Variants in RIC1 observed in about 807,000 individuals in gnomAD.
RIC1 encodes RIC1 partner of RAB6A GEF complex, also known as guanine nucleotide exchange factor subunit RIC1.
Under a neutral mutation model 169.0 loss-of-function variants are expected in RIC1, and 88 were observed. The ratio of observed to expected loss-of-function variants is 0.52; its 90% CI spans 0.44 to 0.62. RIC1 has a LOEUF of 0.62. Ranked by LOEUF, RIC1 falls within the 20% of genes least tolerant of loss-of-function variation. The pLI is 0.00. For synonymous variants in RIC1, 790 were observed against 601.5 expected, an observed-to-expected ratio of 1.31 and a Z score of -4.59; for missense variants, 1,877 against 1,725.5, an observed-to-expected ratio of 1.09 and a Z score of -1.56.
chr9:5,706,325 G>A (rs1013973050), intron 3 of RIC1, among the ~76,000 whole-genome samples: 1 of 152,152 alleles, frequency 6.6e-6, no homozygotes, highest in Non-Finnish European at 1.5e-5. Flanking sequence ...GGTGGCACAT[G>A]CCTGTAATCC....
intron 2 of RIC1, among the ~76,000 whole-genome samples, chr9:5,667,106 C>T (rs1445675903): frequency 1.3e-5 from 2 of 152,058 alleles, no homozygotes; most frequent in Non-Finnish European, 2.9e-5. Context: ...GGGAGGATTG[C>T]TTGAGGCAGG....
At chr9:5,731,188 G>A (rs891386106) in intron 6 of RIC1, among the ~76,000 whole-genome samples, 2 of 152,010 alleles carry the variant, frequency 1.3e-5, no homozygotes, top group Non-Finnish European at 2.9e-5. Flanking sequence ...CATACAAGTA[G>A]AGATTTTGGT....
In RIC1 at chr9:5,707,357, T is replaced by G. The variant is rs578105413; in HGVS notation, c.333-6539T>G. ...TTGAGAATAATATGTATTCTGCTGT[T>G]GGGTGGCATATTCAGTATGTGTCTT... is the stretch of plus-strand genomic sequence containing the variant. On this transcript the variant is annotated intron_variant, in intron 3 of 25. Transcript: ENST00000414202. Among the ~76,000 whole-genome samples the G allele has an allele frequency of 3.9e-5, 6 of 152,282 alleles. No homozygotes were observed. The East Asian group carries it at 9.6e-4, about 24-fold the overall frequency.
chr9:5,650,642 G>T (rs1177741696), intron 1 of RIC1, among the ~76,000 whole-genome samples: 2 of 152,070 alleles, frequency 1.3e-5, no homozygotes, highest in African/African-American at 4.8e-5. Flanking sequence ...CTCAGGACAT[G>T]TTCAAGTGTG....
intron 2 of RIC1, among the ~76,000 whole-genome samples, chr9:5,672,393 G>C (rs1358808397): frequency 6.6e-6 from 1 of 152,178 alleles, no homozygotes; most frequent in Non-Finnish European, 1.5e-5. Flanking sequence ...TTCAGAAAAT[G>C]TAATTAGAAC....
At chr9:5,641,049 G>T (rs1270843407) in intron 1 of RIC1, among the ~76,000 whole-genome samples, 1 of 150,164 alleles carries the variant, frequency 6.7e-6, no homozygotes, top group Non-Finnish European at 1.5e-5. Context: ...CCTTGATAAA[G>T]AAACTATCCT....
At position 5,757,319 on chromosome 9, in the gene RIC1, T is replaced by C. The variant is rs780360038; in HGVS notation, c.1860T>C (p.Asn620=). The change falls in exon 17 of 26, where the codon AAT becomes AAC. Residue 620 remains asparagine, a synonymous_variant. Coordinates refer to ENST00000414202, the MANE Select transcript of RIC1 (RefSeq NM_020829.4). ...GTTTCTTTTGTTTTTACAGTCCAAATACTACTGCTGGTATTCAAGTTCTTC... is the reference window on the plus strand; with the variant it reads ...GTTTCTTTTGTTTTTACAGTCCAAACACTACTGCTGGTATTCAAGTTCTTC... ...YSIERKSDGP[N]TTAGIQVLQE... 4.3e-6 allele frequency: 7 copies of C among 1,613,976 alleles called. No homozygotes were observed. The South Asian group carries it at 6.6e-5, about 15-fold the overall frequency.
chr9:5,738,543 GTCT>G lies in RIC1; in HGVS notation c.901+7_901+9del. The G allele has an allele frequency of 4.5e-6, 4 of 893,576 alleles. No individual in the cohort carries two copies. The highest frequency in any genetic ancestry group is 2.9e-5 in the East Asian group (1 of 34,778). 55.4% of individuals were successfully genotyped at this position (893,576 alleles called of 1,614,324 possible). A position where few individuals can be genotyped will look rare whatever the true frequency, so the allele number is the denominator to read the frequency against. Reference sequence around the variant, plus strand: ...TAACAGCAAAACAGTATCCTGGTGAGTCTTTTTTTTTTTTTTTTTTTTTAACAT... The same window carrying G: ...TAACAGCAAAACAGTATCCTGGTGAGTTTTTTTTTTTTTTTTTTTTAACAT... On this transcript the variant is annotated splice_donor_region_variant and intron_variant, in intron 8 of 25. Coordinates refer to ENST00000414202, the MANE Select transcript of RIC1 (RefSeq NM_020829.4).
chr9:5,689,225 ATT>A (rs377518495), intron 2 of RIC1, among the ~76,000 whole-genome samples: 308 of 150,454 alleles, frequency 2.0e-3, no homozygotes, highest in Non-Finnish European at 4.0e-3. Context: ...ATTTTTTTGT[ATT>A]TTTTTAGTAG....
At chr9:5,721,987 C>A (rs576434462) in intron 6 of RIC1, among the ~76,000 whole-genome samples, 1 of 151,426 alleles carries the variant, frequency 6.6e-6, no homozygotes, top group South Asian at 2.1e-4. Context: ...CTCTCGGGTT[C>A]AAGCGATTCT....
chr9:5,630,495 G>C (rs1817666918), intron 1 of RIC1, among the ~76,000 whole-genome samples: 1 of 152,140 alleles, frequency 6.6e-6, no homozygotes. Flanking sequence ...TTTGTGTGTT[G>C]CTGTTCCATT....
intron 2 of RIC1, among the ~76,000 whole-genome samples, chr9:5,657,654 C>T (rs555149431): frequency 2.6e-5 from 4 of 152,184 alleles, no homozygotes; most frequent in African/African-American, 9.6e-5. Flanking sequence ...CCTTTCTAGT[C>T]CATACTGTAT....
chr9:5,730,289 C>T (rs36009946), intron 6 of RIC1, among the ~76,000 whole-genome samples: 1 of 152,094 alleles, frequency 6.6e-6, no homozygotes, highest in Non-Finnish European at 1.5e-5. Flanking sequence ...ATGCTTGAAG[C>T]CCTTAGAGAG....
At chr9:5,731,107 G>C (rs1824347583) in intron 6 of RIC1, among the ~76,000 whole-genome samples, 1 of 151,806 alleles carries the variant, frequency 6.6e-6, no homozygotes, top group Non-Finnish European at 1.5e-5. Context: ...TTTTTGTATA[G>C]TATTTTTTAA....
chr9:5,696,475 A>G (rs767511758), intron 3 of RIC1, among the ~76,000 whole-genome samples: 4 of 152,146 alleles, frequency 2.6e-5, no homozygotes, highest in African/African-American at 4.8e-5. Context: ...GTTGTACTCT[A>G]TAAACCTTCT....
intron 1 of RIC1, among the ~76,000 whole-genome samples, chr9:5,639,247 C>G (rs1480220718): frequency 6.6e-6 from 1 of 152,128 alleles, no homozygotes; most frequent in African/African-American, 2.4e-5. Flanking sequence ...CTATAAATTT[C>G]TCTGTTAATA....
At chr9:5,666,646 AT>A (rs907115143) in intron 2 of RIC1, among the ~76,000 whole-genome samples, 3 of 151,920 alleles carry the variant, frequency 2.0e-5, no homozygotes, top group Non-Finnish European at 4.4e-5. Flanking sequence ...AGAAACGTGG[AT>A]TTTTTCTTCA....
At chr9:5,731,039 A>T (rs1313061294) in intron 6 of RIC1, among the ~76,000 whole-genome samples, 1 of 152,090 alleles carries the variant, frequency 6.6e-6, no homozygotes, top group African/African-American at 2.4e-5. Context: ...TTATAGGGAA[A>T]CCTGTTTAAT....
At chr9:5,667,102 A>T (rs1819817599) in intron 2 of RIC1, among the ~76,000 whole-genome samples, 1 of 152,084 alleles carries the variant, frequency 6.6e-6, no homozygotes, top group African/African-American at 2.4e-5. Context: ...AGGCGGGAGG[A>T]TTGCTTGAGG....
Sources: gnomAD v4.1 joint callset for allele counts (sites outside exome capture counted in the v4.1 genomes callset) on GRCh38, gnomAD v4.1.1 for gene constraint, MANE v1.5 for transcripts, NCBI Gene and HGNC (gene_info 2026-07-23, HGNC 2026-07-21) for gene names.